Variants in ENTREP2 observed in about 807,000 individuals in gnomAD.
ENTREP2 encodes endosomal transmembrane epsin interactor 2.
At chr15:29,317,989 A>G in the ENTREP2 span, among the ~76,000 whole-genome samples, 1 of 152,154 alleles carries the variant, frequency 6.6e-6, no homozygotes, top group African/African-American at 2.4e-5. Context: ...AGTGTTTCTG[A>G]ATGTCCACCG....
the ENTREP2 span, among the ~76,000 whole-genome samples, chr15:29,302,300 A>G: frequency 6.6e-6 from 1 of 152,192 alleles, no homozygotes; most frequent in Non-Finnish European, 1.5e-5. Flanking sequence ...CATGAGTCCA[A>G]GCTGTTCATT....
At chr15:29,134,384 A>G in the ENTREP2 span, among the ~76,000 whole-genome samples, 1 of 152,102 alleles carries the variant, frequency 6.6e-6, no homozygotes, top group African/African-American at 2.4e-5. Context: ...GCCGGGGCTC[A>G]GGGGGCCACT....
the ENTREP2 span, chr15:29,126,501 A>G: frequency 6.5e-7 from 1 of 1,549,494 alleles, no homozygotes; most frequent in Non-Finnish European, 8.7e-7. Context: ...ACTGCAAGAG[A>G]AGGGACATGG....
chr15:29,283,340 G>T, the ENTREP2 span, among the ~76,000 whole-genome samples: 6 of 152,154 alleles, frequency 3.9e-5, no homozygotes, highest in Non-Finnish European at 7.4e-5. Flanking sequence ...CACCCTATCT[G>T]CCTCTATCTC....
the ENTREP2 span, among the ~76,000 whole-genome samples, chr15:29,302,217 A>G: frequency 6.6e-6 from 1 of 152,138 alleles, no homozygotes; most frequent in Non-Finnish European, 1.5e-5. Flanking sequence ...AAAATGGAAA[A>G]CCAAAACTAT....
chr15:29,360,224 G>A, the ENTREP2 span, among the ~76,000 whole-genome samples: 64,155 of 152,014 alleles, frequency 0.42, 18,440 homozygotes, highest in African/African-American at 0.82. Context: ...TCTTTATAAC[G>A]GTAATTGCCT....
the ENTREP2 span, among the ~76,000 whole-genome samples, chr15:29,218,145 G>A: frequency 6.6e-6 from 1 of 152,166 alleles, no homozygotes; most frequent in Non-Finnish European, 1.5e-5. Context: ...TGTTCCGGTA[G>A]AGGTGGCAGC....
the ENTREP2 span, among the ~76,000 whole-genome samples, chr15:29,624,027 C>T: frequency 3.3e-5 from 5 of 152,176 alleles, no homozygotes; most frequent in Admixed American, 1.3e-4. Flanking sequence ...CGTGAGCCAC[C>T]GCACCAGGCT....
chr15:29,500,783 A>T, the ENTREP2 span, among the ~76,000 whole-genome samples: 13 of 152,112 alleles, frequency 8.5e-5, no homozygotes. Context: ...AAAACAACAT[A>T]GAAAATCAAC....
the ENTREP2 span, among the ~76,000 whole-genome samples, chr15:29,398,124 A>G: frequency 2.7e-5 from 4 of 149,824 alleles, no homozygotes; most frequent in African/African-American, 9.9e-5. Context: ...AACATGAAAG[A>G]CAGAGACTCA....
chr15:29,199,552 G>C, the ENTREP2 span, among the ~76,000 whole-genome samples: 1 of 152,178 alleles, frequency 6.6e-6, no homozygotes, highest in Non-Finnish European at 1.5e-5. Context: ...GTTCTCCTGG[G>C]AAGTTTGAGA....
the ENTREP2 span, among the ~76,000 whole-genome samples, chr15:29,386,656 G>A: frequency 1.3e-5 from 2 of 152,210 alleles, no homozygotes; most frequent in East Asian, 3.8e-4. Flanking sequence ...GGTATTTGGA[G>A]ATGGGGCCTC....
the ENTREP2 span, among the ~76,000 whole-genome samples, chr15:29,648,941 A>AC: frequency 2.4e-4 from 36 of 149,784 alleles, no homozygotes; most frequent in African/African-American, 7.5e-4. Flanking sequence ...ACTCTAAAAA[A>AC]AAAAAACAAC....
chr15:29,198,365 GCA>G, the ENTREP2 span, among the ~76,000 whole-genome samples: 3 of 152,140 alleles, frequency 2.0e-5, no homozygotes, highest in African/African-American at 7.2e-5. Flanking sequence ...TATGGTACAT[GCA>G]CACACAACAT....
chr15:29,334,626 C>T, the ENTREP2 span, among the ~76,000 whole-genome samples: 35 of 152,090 alleles, frequency 2.3e-4, no homozygotes, highest in Non-Finnish European at 4.0e-4. Flanking sequence ...TGAAAAGGAA[C>T]TTTTTGTAGT....
chr15:29,303,018 G>A, the ENTREP2 span, among the ~76,000 whole-genome samples: 1 of 152,178 alleles, frequency 6.6e-6, no homozygotes, highest in African/African-American at 2.4e-5. Context: ...GGAGGAGCAG[G>A]CCAGTCTGAG....
the ENTREP2 span, among the ~76,000 whole-genome samples, chr15:29,441,050 G>T: frequency 6.6e-6 from 1 of 152,212 alleles, no homozygotes; most frequent in African/African-American, 2.4e-5. Context: ...ATAGTGAAAA[G>T]GTGGAGGCAA....
chr15:29,429,576 C>A, the ENTREP2 span, among the ~76,000 whole-genome samples: 3 of 152,206 alleles, frequency 2.0e-5, no homozygotes, highest in Non-Finnish European at 2.9e-5. Context: ...TTTGTACTTA[C>A]ATGTATACTC....
At chr15:29,406,128 C>T in the ENTREP2 span, among the ~76,000 whole-genome samples, 1 of 152,172 alleles carries the variant, frequency 6.6e-6, no homozygotes, top group Admixed American at 6.6e-5. Flanking sequence ...TGATGGCACA[C>T]CCTGTAGGTA....
Sources: allele counts gnomAD v4.1 joint callset (sites outside exome capture counted in the v4.1 genomes callset), GRCh38; gene constraint gnomAD v4.1.1; transcripts MANE v1.5; gene names NCBI Gene and HGNC (gene_info 2026-07-23, HGNC 2026-07-21).